SNX29: variants seen among roughly 807,000 people sequenced by gnomAD.
SNX29 encodes the protein sorting nexin 29, also known as sorting nexin-29.
In SNX29, 78 loss-of-function variants were observed where a neutral mutation model predicts 102.1. The observed-to-expected ratio is 0.76, with a 90% confidence interval of 0.64 to 0.92. SNX29 has a LOEUF of 0.92. Among genes scored for constraint, SNX29 ranks in the 40% least tolerant of loss-of-function variants. The probability of loss-of-function intolerance (pLI) is 0.00; values close to 1 mark genes in which losing one functional copy is unlikely to be tolerated. For synonymous variants in SNX29, 580 were observed against 414.5 expected (o/e 1.40, Z -4.85); for missense variants, 1,280 against 1,061.7 (o/e 1.21, Z -2.86).
At chr16:12,372,072 G>C (rs1417858929) in intron 16 of SNX29, among the ~76,000 whole-genome samples, 2 of 152,212 alleles carry the variant, frequency 1.3e-5, no homozygotes, top group African/African-American at 4.8e-5. Context: ...TAGCGATCCT[G>C]CTGTGAAGCG....
intron 14 of SNX29, among the ~76,000 whole-genome samples, chr16:12,274,754 A>G (rs544928222): frequency 1.3e-5 from 2 of 152,000 alleles, no homozygotes; most frequent in South Asian, 4.2e-4. Context: ...CCAGGCTTGT[A>G]TTCTATTTTG....
rs57076200 is a variant in SNX29 at position 12,423,196 on chromosome 16, GTT to G, written c.2037+19678_2037+19679del. 7.5e-3 allele frequency among the ~76,000 whole-genome samples: 1,088 copies of G among 145,996 alleles called. 14 individuals carry two copies. The highest frequency in any genetic ancestry group is 0.026 in the African/African-American group (1,036 of 40,176). ...CATTTACTCACCAATGCATGGGGTT[GTT>G]TTTTTTTTTTAAACACAGAAATAAA... On this transcript the variant is annotated intron_variant, in intron 18 of 20. Coordinates refer to ENST00000566228, the MANE Select transcript of SNX29 (RefSeq NM_032167.5).
intron 16 of SNX29, among the ~76,000 whole-genome samples, chr16:12,389,263 T>G: frequency 6.6e-6 from 1 of 152,188 alleles, no homozygotes; most frequent in Non-Finnish European, 1.5e-5. Flanking sequence ...AGAACTGATA[T>G]GGATTGGCTG....
intron 20 of SNX29, among the ~76,000 whole-genome samples, chr16:12,536,117 C>G (rs187120786): frequency 6.6e-6 from 1 of 152,294 alleles, no homozygotes; most frequent in Non-Finnish European, 1.5e-5. Flanking sequence ...AGGGTGAACA[C>G]AGCCCAGCTT....
At chr16:12,444,226 A>T (rs992793932) in intron 18 of SNX29, among the ~76,000 whole-genome samples, 1 of 151,480 alleles carries the variant, frequency 6.6e-6, no homozygotes, top group East Asian at 1.9e-4. Flanking sequence ...AGCCCCTAGC[A>T]TGTGGTAAGC....
intron 1 of SNX29, among the ~76,000 whole-genome samples, chr16:11,995,308 C>T (rs1014904223): frequency 7.2e-5 from 11 of 152,088 alleles, no homozygotes; most frequent in Non-Finnish European, 1.5e-5. Flanking sequence ...TCATGTGATC[C>T]GTCCGCTTTG....
intron 20 of SNX29, among the ~76,000 whole-genome samples, chr16:12,566,251 C>T (rs533211599): frequency 2.0e-5 from 3 of 152,216 alleles, no homozygotes; most frequent in Admixed American, 6.5e-5. Flanking sequence ...GACAAGGAAA[C>T]CAAGGGTCAG....
At chr16:12,347,632 A>G (rs569646422) in intron 15 of SNX29, among the ~76,000 whole-genome samples, 30 of 152,252 alleles carry the variant, frequency 2.0e-4, no homozygotes, top group Non-Finnish European at 4.1e-4. Context: ...AAACACTTAG[A>G]GTGCTATCAG....
At chr16:11,994,160 A>G (rs1051728433) in intron 1 of SNX29, among the ~76,000 whole-genome samples, 1 of 152,168 alleles carries the variant, frequency 6.6e-6, no homozygotes, top group Non-Finnish European at 1.5e-5. Flanking sequence ...AGAGAGACCC[A>G]ACTAGGTGAC....
At chr16:12,334,443 C>T (rs1004316464) in intron 15 of SNX29, among the ~76,000 whole-genome samples, 5 of 152,086 alleles carry the variant, frequency 3.3e-5, no homozygotes, top group Non-Finnish European at 4.4e-5. Context: ...TGTTCGGCAC[C>T]GTGCAAACCA....
intron 15 of SNX29, among the ~76,000 whole-genome samples, chr16:12,334,359 C>T (rs1390703144): frequency 2.0e-5 from 3 of 152,138 alleles, no homozygotes; most frequent in Non-Finnish European, 2.9e-5. Flanking sequence ...TTTTGTGAAG[C>T]TCTGTCTTCC....
At chr16:12,034,667 T>C (rs1195679485) in intron 4 of SNX29, among the ~76,000 whole-genome samples, 10 of 152,260 alleles carry the variant, frequency 6.6e-5, no homozygotes, top group Middle Eastern at 6.8e-3. Context: ...CTAGTGGAGC[T>C]GGACTGATAC....
chr16:12,043,444 T>G (rs2049965876), intron 5 of SNX29, among the ~76,000 whole-genome samples: 1 of 151,790 alleles, frequency 6.6e-6, no homozygotes, highest in Non-Finnish European at 1.5e-5. Flanking sequence ...AGCCTGGACC[T>G]CCCTGGCTCA....
At chr16:12,551,105 C>G (rs1349282455) in intron 20 of SNX29, among the ~76,000 whole-genome samples, 4 of 152,086 alleles carry the variant, frequency 2.6e-5, no homozygotes, top group Non-Finnish European at 5.9e-5. Flanking sequence ...TGGATGAAAT[C>G]TGGTGTGAAA....
At chr16:12,473,012 CTTTT>C (rs2087432199) in intron 18 of SNX29, among the ~76,000 whole-genome samples, 2 of 152,070 alleles carry the variant, frequency 1.3e-5, no homozygotes, top group Admixed American at 1.3e-4. Context: ...GAGGTCAACT[CTTTT>C]TATCCCTCCA....
chr16:12,385,920 A>C (rs1430143088), intron 16 of SNX29, among the ~76,000 whole-genome samples: 2 of 152,216 alleles, frequency 1.3e-5, no homozygotes, highest in Non-Finnish European at 2.9e-5. Context: ...GCTCCTGCAC[A>C]GTGGTGGGGG....
chr16:12,106,142 C>T (rs1168170445), intron 11 of SNX29, among the ~76,000 whole-genome samples: 1 of 152,156 alleles, frequency 6.6e-6, no homozygotes, highest in Non-Finnish European at 1.5e-5. Flanking sequence ...AGAAACTTGG[C>T]TTCTGTGAGT....
At chr16:12,288,838 A>T (rs1194995055) in intron 15 of SNX29, among the ~76,000 whole-genome samples, 1 of 152,168 alleles carries the variant, frequency 6.6e-6, no homozygotes, top group African/African-American at 2.4e-5. Context: ...TGGAAGGGTT[A>T]AGTCACCTGC....
rs557344313 is a variant in SNX29, at chr16:12,573,516, G to A, written c.*4887G>A. 54 of 224,394 alleles carry A rather than the reference G, an allele frequency of 2.4e-4. No homozygotes were observed. The highest frequency in any genetic ancestry group is 1.1e-3 in the African/African-American group (49 of 44,996). 13.9% of individuals were successfully genotyped at this position (224,394 alleles called of 1,614,324 possible). ...TCACTGGTGGTTTAAGAGGCCCAGG[G>A]ATTTAGTTCTTACTGGTGCGTAAGT... On this transcript the variant is annotated 3_prime_UTR_variant, in exon 21 of 21. Transcript: ENST00000566228.
Sources: gnomAD v4.1 joint callset for allele counts (sites outside exome capture counted in the v4.1 genomes callset) on GRCh38, gnomAD v4.1.1 for gene constraint, MANE v1.5 for transcripts, NCBI Gene and HGNC (gene_info 2026-07-23, HGNC 2026-07-21) for gene names.